EFNA5: variants seen among roughly 807,000 people sequenced by gnomAD.
EFNA5 encodes the protein ephrin A5, also known as ephrin-A5.
Under a neutral mutation model 22.9 loss-of-function variants are expected in EFNA5, and 5 were observed. The ratio of observed to expected loss-of-function variants is 0.22; its 90% confidence interval spans 0.11 to 0.46. EFNA5 has a LOEUF of 0.46. Among genes scored for constraint, EFNA5 ranks in the 20% least tolerant of loss-of-function variants. The probability of loss-of-function intolerance (pLI) is 0.99; values close to 1 mark genes in which losing one functional copy is unlikely to be tolerated. For missense variants in EFNA5, 237 were observed against 293.3 expected (o/e 0.81, Z 1.40); for synonymous variants, 113 against 112.2 (o/e 1.01, Z -0.04).
At position 107,445,618 on chromosome 5, in the gene EFNA5, G is replaced by C. The variant is rs138684262; in HGVS notation, c.126-18109C>G. Among the ~76,000 whole-genome samples the C allele has an allele frequency of 3.5e-4, 54 of 152,252 alleles. No individual in the cohort carries two copies. In the East Asian group the frequency reaches 9.3e-3, roughly 26 times the overall value. On this transcript the variant is annotated intron_variant, in intron 1 of 4. Coordinates refer to ENST00000333274, the MANE Select transcript of EFNA5 (RefSeq NM_001962.3). ...TGAGGATGCTAGAGTTGTTCAGGCA[G>C]GGATGTTCGACAGAGGCAGAGGGAC...
At chr5:107,535,057 A>G (rs186154665) in intron 1 of EFNA5, among the ~76,000 whole-genome samples, 1 of 152,282 alleles carries the variant, frequency 6.6e-6, no homozygotes, top group Admixed American at 6.5e-5. Flanking sequence ...AGTGGAAAAA[A>G]GTCTTAGTAG....
At chr5:107,564,643 T>A (rs1432976317) in intron 1 of EFNA5, among the ~76,000 whole-genome samples, 1 of 150,716 alleles carries the variant, frequency 6.6e-6, no homozygotes, top group African/African-American at 2.4e-5. Context: ...TTTTTTTTTT[T>A]TTTTTTTTGA....
intron 2 of EFNA5, among the ~76,000 whole-genome samples, chr5:107,420,334 C>A (rs183478166): frequency 3.3e-5 from 5 of 152,034 alleles, no homozygotes; most frequent in Non-Finnish European, 5.9e-5. Context: ...TGGCAATCAA[C>A]TGGTTCCTTA....
chr5:107,613,329 G>C (rs1305369477), intron 1 of EFNA5, among the ~76,000 whole-genome samples: 1 of 151,964 alleles, frequency 6.6e-6, no homozygotes, highest in East Asian at 1.9e-4. Flanking sequence ...CATGCCTATG[G>C]GGTTAAAGAA....
chr5:107,524,726 C>T (rs1329316939), intron 1 of EFNA5, among the ~76,000 whole-genome samples: 1 of 152,130 alleles, frequency 6.6e-6, no homozygotes, highest in African/African-American at 2.4e-5. Context: ...GATATCCCCT[C>T]AGGCCTAGAG....
At chr5:107,655,928 AT>A (rs1750810911) in intron 1 of EFNA5, among the ~76,000 whole-genome samples, 1 of 152,170 alleles carries the variant, frequency 6.6e-6, no homozygotes, top group Non-Finnish European at 1.5e-5. Context: ...AAGATAGTCA[AT>A]AGCAAGAGTT....
intron 2 of EFNA5, among the ~76,000 whole-genome samples, chr5:107,390,389 A>G (rs1051645156): frequency 3.3e-5 from 5 of 152,320 alleles, no homozygotes; most frequent in Admixed American, 3.3e-4. Context: ...AAGGTAATAT[A>G]AAAGTGCATT....
At chr5:107,644,400 G>A (rs1318856376) in intron 1 of EFNA5, among the ~76,000 whole-genome samples, 1 of 152,078 alleles carries the variant, frequency 6.6e-6, no homozygotes, top group African/African-American at 2.4e-5. Context: ...ATTTTGCTTC[G>A]TTTCAAAAAT....
At chr5:107,515,337 T>A (rs1376715144) in intron 1 of EFNA5, among the ~76,000 whole-genome samples, 1 of 149,118 alleles carries the variant, frequency 6.7e-6, no homozygotes, top group African/African-American at 2.5e-5. Flanking sequence ...ATGCCCAGCA[T>A]CAAGACATGG....
In EFNA5 at chr5:107,411,464, C is replaced by T. The variant is rs538161195; in HGVS notation, c.418+15753G>A. Among the ~76,000 whole-genome samples, 4 of 152,190 alleles carry T rather than the reference C, an allele frequency of 2.6e-5. No individual in the cohort carries two copies. In the South Asian group the frequency reaches 6.2e-4, roughly 24 times the overall value. On this transcript the variant is annotated intron_variant, in intron 2 of 4. Coordinates refer to ENST00000333274, the MANE Select transcript of EFNA5 (RefSeq NM_001962.3). ...TCAAATTCCTTCTCCCAGGAACTTGCGTCCTGAGTAGGGTGACACAAGGAA... is the reference window on the plus strand; with the variant it reads ...TCAAATTCCTTCTCCCAGGAACTTGTGTCCTGAGTAGGGTGACACAAGGAA...
At chr5:107,645,901 C>G (rs1750625720) in intron 1 of EFNA5, among the ~76,000 whole-genome samples, 1 of 152,210 alleles carries the variant, frequency 6.6e-6, no homozygotes. Context: ...CTGAAGCCGT[C>G]ACCTGTTTTG....
At chr5:107,435,339 C>CTTTTTTTTTTTTTTTTTTT (rs1209140672) in intron 1 of EFNA5, among the ~76,000 whole-genome samples, 90 of 56,800 alleles carry the variant, frequency 1.6e-3, no homozygotes, top group African/African-American at 5.6e-3. Context: ...TTTTTTTTTG[C>CTTTTTTTTTTTTTTTTTTT]TTTTCTGTGG....
Position 107,409,526 on chromosome 5 carries a change from A to G in EFNA5, c.418+17691T>C, listed in dbSNP as rs149441093. ...ATTCCTTGCAAAAATAGGATTCTCA[A>G]TGTTCAGAACCAACTTGGAAGGCAT... On this transcript the variant is annotated intron_variant, in intron 2 of 4. Transcript: ENST00000333274. Among the ~76,000 whole-genome samples, 467 of 152,338 alleles carry G rather than the reference A, an allele frequency of 3.1e-3. 8 individuals carry two copies. The highest frequency in any genetic ancestry group is 3.9e-3 in the Non-Finnish European group (263 of 68,036).
chr5:107,628,397 A>G (rs1750182329), intron 1 of EFNA5, among the ~76,000 whole-genome samples: 2 of 152,196 alleles, frequency 1.3e-5, no homozygotes. Context: ...TAGCCTAAAA[A>G]TATATTATAG....
chr5:107,400,753 T>C (rs1370450814), intron 2 of EFNA5, among the ~76,000 whole-genome samples: 1 of 151,884 alleles, frequency 6.6e-6, no homozygotes, highest in Non-Finnish European at 1.5e-5. Context: ...CAGCAAGGTG[T>C]TCCAGAAACT....
At chr5:107,438,277 T>A (rs1312950508) in intron 1 of EFNA5, among the ~76,000 whole-genome samples, 5 of 152,208 alleles carry the variant, frequency 3.3e-5, no homozygotes, top group African/African-American at 4.8e-5. Context: ...CACAAACTTC[T>A]GCCTCTCATT....
chr5:107,556,205 T>C (rs1031359092), intron 1 of EFNA5, among the ~76,000 whole-genome samples: 3 of 152,170 alleles, frequency 2.0e-5, no homozygotes, highest in African/African-American at 4.8e-5. Flanking sequence ...CTATCCACCT[T>C]AGTCTCTCCC....
chr5:107,444,151 T>C (rs1362118904), intron 1 of EFNA5, among the ~76,000 whole-genome samples: 2 of 152,240 alleles, frequency 1.3e-5, no homozygotes, highest in African/African-American at 4.8e-5. Context: ...ATGCTCAATA[T>C]ACTTGCATTT....
chr5:107,398,251 C>T (rs1747980739), intron 2 of EFNA5, among the ~76,000 whole-genome samples: 1 of 152,178 alleles, frequency 6.6e-6, no homozygotes, highest in Non-Finnish European at 1.5e-5. Flanking sequence ...CTTTCCTTTG[C>T]CTCTCAAAAT....
Sources: allele counts gnomAD v4.1 joint callset (sites outside exome capture counted in the v4.1 genomes callset), GRCh38; gene constraint gnomAD v4.1.1; transcripts MANE v1.5; gene names NCBI Gene and HGNC (gene_info 2026-07-23, HGNC 2026-07-21).